Variants in EEFSEC observed in about 807,000 individuals in gnomAD.
EEFSEC encodes the protein eukaryotic elongation factor, selenocysteine-tRNA specific.
Under a neutral mutation model 42.1 loss-of-function variants are expected in EEFSEC, and 43 were observed. The observed-to-expected ratio is 1.02, with a 90% CI of 0.80 to 1.32. The LOEUF is 1.32. Among genes scored for constraint, EEFSEC ranks in the 40% most tolerant of loss-of-function variants. The pLI is 0.00. For synonymous variants in EEFSEC, 354 were observed against 339.1 expected (o/e 1.04, Z -0.48); for missense variants, 745 against 803.6 (o/e 0.93, Z 0.88).
chr3:128,358,131 G>A (rs912976003), intron 5 of EEFSEC, 86 bp from the exon 6 acceptor site: 2 of 1,536,984 alleles, frequency 1.3e-6, no homozygotes, highest in Non-Finnish European at 1.8e-6. Context: ...CTAGGGCCCG[G>A]GAGAGCTGGG....
chr3:128,407,334 A>C (rs2068128332), intron 6 of EEFSEC, among the ~76,000 whole-genome samples: 1 of 152,082 alleles, frequency 6.6e-6, no homozygotes. Flanking sequence ...CTGGCAGAGG[A>C]TCCCGGGATG....
chr3:128,407,615 T>C lies in EEFSEC; in HGVS notation c.1601-454T>C, dbSNP rs531539949. 2.0e-5 allele frequency among the ~76,000 whole-genome samples: 3 copies of C among 152,290 alleles called. No individual in the cohort carries two copies. In the East Asian group the frequency reaches 5.8e-4, roughly 29 times the overall value. On this transcript the variant is annotated intron_variant, in intron 6 of 6. Transcript: ENST00000254730. ...CCCTGACTGCCCTCTCTTCCCACAC[T>C]CTGGCCTGTTGGGGCTTCCACTGCT...
At chr3:128,263,043 C>T (rs1273850179) in intron 3 of EEFSEC, among the ~76,000 whole-genome samples, 1 of 152,158 alleles carries the variant, frequency 6.6e-6, no homozygotes, top group Non-Finnish European at 1.5e-5. Context: ...GCACATACCT[C>T]GTGGAGTTGT....
chr3:128,376,864 C>T (rs1334357656), intron 6 of EEFSEC, among the ~76,000 whole-genome samples: 4 of 152,120 alleles, frequency 2.6e-5, no homozygotes, highest in Non-Finnish European at 5.9e-5. Context: ...GGTGATTGTT[C>T]TGCACCCAAA....
chr3:128,336,074 C>T (rs1012752715), intron 4 of EEFSEC, among the ~76,000 whole-genome samples: 3 of 152,166 alleles, frequency 2.0e-5, no homozygotes, highest in South Asian at 4.1e-4. Flanking sequence ...GGAACTCAGA[C>T]GTCTGTGTCT....
chr3:128,410,622 C>T (rs2068167367), downstream of EEFSEC, among the ~76,000 whole-genome samples: 1 of 152,180 alleles, frequency 6.6e-6, no homozygotes, highest in South Asian at 2.1e-4. Context: ...CTCAGTGTCC[C>T]CATGTATAAA....
intron 2 of EEFSEC, among the ~76,000 whole-genome samples, chr3:128,253,934 G>C (rs1486542460): frequency 6.6e-6 from 1 of 152,168 alleles, no homozygotes; most frequent in Non-Finnish European, 1.5e-5. Context: ...GGGAACTTCA[G>C]CTTCCTCAGA....
At chr3:128,224,813 A>C (rs529213443) in intron 1 of EEFSEC, among the ~76,000 whole-genome samples, 1 of 152,174 alleles carries the variant, frequency 6.6e-6, no homozygotes, top group East Asian at 1.9e-4. Context: ...ATGTTCTTCA[A>C]ATATGGTTCC....
At chr3:128,190,669 CAG>C (rs1468930126) in intron 1 of EEFSEC, among the ~76,000 whole-genome samples, 1 of 152,160 alleles carries the variant, frequency 6.6e-6, no homozygotes, top group African/African-American at 2.4e-5. Context: ...TACAGGAGTG[CAG>C]AGTCATGCCC....
At chr3:128,283,212 C>G (rs984941170) in intron 4 of EEFSEC, among the ~76,000 whole-genome samples, 1 of 152,208 alleles carries the variant, frequency 6.6e-6, no homozygotes, top group Non-Finnish European at 1.5e-5. Flanking sequence ...TCCTCTTTCC[C>G]ATCCCAGGAC....
chr3:128,243,169 T>C (rs551417717), intron 1 of EEFSEC, among the ~76,000 whole-genome samples: 169 of 152,326 alleles, frequency 1.1e-3, no homozygotes, highest in African/African-American at 3.8e-3. Context: ...CTGGGCTCCT[T>C]AGAAGTCCCT....
intron 1 of EEFSEC, among the ~76,000 whole-genome samples, chr3:128,241,146 C>T (rs974520148): frequency 2.0e-5 from 3 of 149,510 alleles, no homozygotes; most frequent in Admixed American, 1.3e-4. Flanking sequence ...ATCCTTGCTC[C>T]TTGACCTGAC....
chr3:128,199,998 T>C (rs998733713), intron 1 of EEFSEC, among the ~76,000 whole-genome samples: 2 of 152,186 alleles, frequency 1.3e-5, no homozygotes, highest in Non-Finnish European at 2.9e-5. Context: ...CCTCCCAAAG[T>C]GCTGGGATTA....
the EEFSEC span, among the ~76,000 whole-genome samples, chr3:128,413,830 C>A: frequency 6.6e-6 from 1 of 152,200 alleles, no homozygotes; most frequent in East Asian, 1.9e-4. Context: ...CCCCAGCATC[C>A]GTCTCCCCTG....
chr3:128,296,376 C>A (rs1014311591), intron 4 of EEFSEC, among the ~76,000 whole-genome samples: 9 of 152,266 alleles, frequency 5.9e-5, no homozygotes, highest in African/African-American at 1.9e-4. Flanking sequence ...CTGTCCTCAT[C>A]CTGGCCACCC....
intron 1 of EEFSEC, among the ~76,000 whole-genome samples, chr3:128,172,535 G>C (rs527766665): frequency 2.4e-4 from 36 of 152,346 alleles, no homozygotes; most frequent in Middle Eastern, 3.4e-3. Context: ...CTGGGCTCAA[G>C]TGATCCTCCT....
chr3:128,415,538 C>T, the EEFSEC span, among the ~76,000 whole-genome samples: 1 of 152,194 alleles, frequency 6.6e-6, no homozygotes, highest in Non-Finnish European at 1.5e-5. Context: ...CAGTGCTCAC[C>T]GTGGGGGGAT....
chr3:128,296,344 G>A (rs950782105), intron 4 of EEFSEC, among the ~76,000 whole-genome samples: 1 of 152,148 alleles, frequency 6.6e-6, no homozygotes, highest in African/African-American at 2.4e-5. Flanking sequence ...ACCCCATGTA[G>A]CTAACACAGT....
At chr3:128,279,191 A>G (rs902209736) in intron 4 of EEFSEC, among the ~76,000 whole-genome samples, 2 of 152,320 alleles carry the variant, frequency 1.3e-5, no homozygotes, top group Non-Finnish European at 2.9e-5. Flanking sequence ...AGCTTAGTAC[A>G]GCCCTTACTG....
Sources: gnomAD v4.1 joint callset for allele counts (sites outside exome capture counted in the v4.1 genomes callset) on GRCh38, gnomAD v4.1.1 for gene constraint, MANE v1.5 for transcripts, NCBI Gene and HGNC (gene_info 2026-07-23, HGNC 2026-07-21) for gene names.